MYADML2: variants seen among roughly 807,000 people sequenced by gnomAD.
MYADML2 encodes the protein myeloid-associated differentiation marker-like protein 2.
A neutral mutation model predicts 16.0 loss-of-function variants in MYADML2; 17 were observed. That is an observed-to-expected ratio of 1.06 (90% CI 0.73 to 1.60). MYADML2 has a LOEUF of 1.60. MYADML2 is among the 40% of genes most tolerant of loss of function. The pLI is 0.00. For synonymous variants in MYADML2, 210 were observed against 208.1 expected, an observed-to-expected ratio of 1.01 and a Z score of -0.08; for missense variants, 422 against 437.7, an observed-to-expected ratio of 0.96 and a Z score of 0.32.
chr17:81,945,363 C>T (rs1341968303), intron 1 of MYADML2, among the ~76,000 whole-genome samples: 43 of 152,064 alleles, frequency 2.8e-4, no homozygotes, highest in East Asian at 9.6e-4. Context: ...CACAGTGAAA[C>T]CCCATCTCTA....
At chr17:81,945,896 G>A (rs781721503) in intron 1 of MYADML2, among the ~76,000 whole-genome samples, 1 of 151,924 alleles carries the variant, frequency 6.6e-6, no homozygotes, top group Non-Finnish European at 1.5e-5. Context: ...AATAAAATGA[G>A]GAAAGTGCTT....
Position 81,942,889 on chromosome 17 carries a change from A to G in MYADML2, c.-180-516T>C, listed in dbSNP as rs2041317282. Among the ~76,000 whole-genome samples, 1 of 151,550 alleles carries G rather than the reference A, an allele frequency of 6.6e-6. No homozygotes were observed. The highest frequency in any genetic ancestry group is 2.4e-5 in the African/African-American group (1 of 41,200). ...GAGATAGGGTCTAGCTTTGTCGCTC[A>G]GGTTGGAATGCAGTGGTGAGATCAC... On this transcript the variant is annotated intron_variant, in intron 1 of 2. Coordinates refer to ENST00000409745, the MANE Select transcript of MYADML2 (RefSeq NM_001145113.3). The surrounding 1 kb of genome is among the most constrained non-coding windows in gnomAD (Gnocchi z 4.4).
chr17:81,944,198 A>C (rs2041326557), intron 1 of MYADML2, among the ~76,000 whole-genome samples: 1 of 151,982 alleles, frequency 6.6e-6, no homozygotes, highest in South Asian at 2.1e-4. Context: ...AGGTCAGGAG[A>C]AATTGAGACC....
rs2041294071 is a variant in MYADML2, at chr17:81,940,646, C to A, written c.*172G>T. ...CTGCCCTACTGTCCTGCCCTTGTCC[C>A]TCTGAGCCCAGTCTGGAAGTCGGGG... On this transcript the variant is annotated 3_prime_UTR_variant, in exon 3 of 3. Transcript: ENST00000409745. 2 of 723,034 alleles carry A rather than the reference C, an allele frequency of 2.8e-6. No individual in the cohort carries two copies. The highest frequency in any genetic ancestry group is 4.4e-6 in the Non-Finnish European group (2 of 451,078). 44.8% of individuals were successfully genotyped at this position (723,034 alleles called of 1,614,324 possible). A position where few individuals can be genotyped will look rare whatever the true frequency, so the allele number is the denominator to read the frequency against.
At chr17:81,946,529 TC>T (rs1159769028) in intron 1 of MYADML2, among the ~76,000 whole-genome samples, 1 of 151,166 alleles carries the variant, frequency 6.6e-6, no homozygotes, top group Non-Finnish European at 1.5e-5. Context: ...GCGCTGGTAG[TC>T]CCAGCTACTC....
rs140886468 is a variant in MYADML2 at position 81,940,936 on chromosome 17, C to T, written c.806G>A (p.Arg269Gln). Residue 269 changes from arginine (R) to glutamine (Q), a missense_variant, in exon 3 of 3, where the codon CGG becomes CAG. Coordinates refer to ENST00000409745, the MANE Select transcript of MYADML2 (RefSeq NM_001145113.3). ...GEPKRPPNCA[R>Q]GSCPWDSQLV... ...CTGGCTGTCCCAGGGACAGCTGCCC[C>T]GAGCACAGTTGGGGGGCCGTTTGGG... is the stretch of plus-strand genomic sequence containing the variant. The T allele has an allele frequency of 9.2e-5, 143 of 1,550,194 alleles. No homozygotes were observed. In the African/African-American group the frequency reaches 1.5e-3, roughly 17 times the overall value.
intron 1 of MYADML2, among the ~76,000 whole-genome samples, chr17:81,944,756 G>A (rs2041330910): frequency 1.3e-5 from 2 of 152,182 alleles, no homozygotes; most frequent in African/African-American, 4.8e-5. Context: ...AGGAGGGACA[G>A]GGGCTGAAGG....
chr17:81,944,862 G>A (rs2041331680), intron 1 of MYADML2, among the ~76,000 whole-genome samples: 1 of 152,206 alleles, frequency 6.6e-6, no homozygotes, highest in Admixed American at 6.5e-5. Flanking sequence ...AGGTTTCCAG[G>A]TGGCGGAATG....
intron 1 of MYADML2, among the ~76,000 whole-genome samples, chr17:81,945,333 A>T (rs1423912115): frequency 1.3e-5 from 2 of 151,966 alleles, no homozygotes; most frequent in Non-Finnish European, 2.9e-5. Context: ...AGGTCAGGAG[A>T]TCGAGACCAT....
intron 1 of MYADML2, 145 bp downstream of exon 1, chr17:81,946,914 T>C (rs2041351084): frequency 6.6e-6 from 1 of 152,076 alleles, no homozygotes; most frequent in Non-Finnish European, 1.5e-5. Context: ...GAGGCGGAGA[T>C]TGCAGTGAGC....
At position 81,941,174 on chromosome 17, in the gene MYADML2, G is replaced by A. The variant is rs760112339; in HGVS notation, c.568C>T (p.Arg190Cys). 4.5e-5 allele frequency: 70 copies of A among 1,550,090 alleles called. 1 individual carries two copies. The highest frequency in any genetic ancestry group is 2.4e-4 in the East Asian group (10 of 40,934). ...ACGCACCACTGGGTGGCCACGTAGCGCCCGTAGCGGCTGTCATGGACCAGC... is the reference window on the plus strand; with the variant it reads ...ACGCACCACTGGGTGGCCACGTAGCACCCGTAGCGGCTGTCATGGACCAGC... ...GALVHDSRYG[R>C]YVATQWCVAV... The change falls in exon 3 of 3, where the codon CGC becomes TGC. Residue 190 changes from arginine to cysteine, a missense_variant. By Grantham distance (180) the Arg-to-Cys change is radical. Coordinates refer to ENST00000409745, the MANE Select transcript of MYADML2 (RefSeq NM_001145113.3).
rs1457846774 is a variant in MYADML2, at chr17:81,940,939, G to C, written c.803C>G (p.Ala268Gly). The change falls in exon 3 of 3, where the codon GCT becomes GGT. Residue 268 changes from alanine to glycine, a missense_variant. By Grantham distance (60) the Ala-to-Gly change is moderately conservative (BLOSUM62 0). Coordinates refer to ENST00000409745, the MANE Select transcript of MYADML2 (RefSeq NM_001145113.3). The part of the protein sequence containing the change: ...YGEPKRPPNC[A>G]RGSCPWDSQL... ...GCTGTCCCAGGGACAGCTGCCCCGA[G>C]CACAGTTGGGGGGCCGTTTGGGCTC... 1 of 1,550,348 alleles carries C rather than the reference G, an allele frequency of 6.5e-7. No individual in the cohort carries two copies. Among genetic ancestry groups the C allele is most frequent in the Non-Finnish European group, 8.7e-7 (1 of 1,146,718 alleles).
rs549503120 is a variant in MYADML2 at position 81,940,236 on chromosome 17, C to T, written c.*582G>A. 6.6e-6 allele frequency: 1 copy of T among 152,406 alleles called. No homozygotes were observed. Among genetic ancestry groups the T allele is most frequent in the Non-Finnish European group, 1.5e-5 (1 of 68,182 alleles). 9.4% of individuals were successfully genotyped at this position (152,406 alleles called of 1,614,324 possible). The stretch of plus-strand genomic sequence containing the variant: ...TCCTTCTCTGTGAGCTGGCACAGCT[C>T]CCCAGGCAGGGCTCTCTTCCCAGGG... On this transcript the variant is annotated 3_prime_UTR_variant, in exon 3 of 3. Coordinates refer to ENST00000409745, the MANE Select transcript of MYADML2 (RefSeq NM_001145113.3).
At chr17:81,946,597 G>A (rs1223807849) in intron 1 of MYADML2, among the ~76,000 whole-genome samples, 26 of 151,978 alleles carry the variant, frequency 1.7e-4, no homozygotes, top group African/African-American at 4.3e-4. Flanking sequence ...GCAGTGAGCC[G>A]AGATCGCGCC....
Position 81,940,803 on chromosome 17 carries a change from G to A in MYADML2, c.*15C>T. ...GGTGGCCAGAGAGCAGAGGTGGGTG[G>A]GCTGCCACTGTGGGCTACAGGCTGG... On this transcript the variant is annotated 3_prime_UTR_variant, in exon 3 of 3. Transcript: ENST00000409745. 1.3e-6 allele frequency: 2 copies of A among 1,485,602 alleles called. No homozygotes were observed. Among genetic ancestry groups the A allele is most frequent in the South Asian group, 2.7e-5 (2 of 74,168 alleles). The allele number at this position is 1,485,602 out of a possible 1,614,324, so 92.0% of individuals were successfully genotyped here. A position where few individuals can be genotyped will look rare whatever the true frequency, so the allele number is the denominator to read the frequency against.
At chr17:81,943,182 G>A (rs2041318829) in intron 1 of MYADML2, among the ~76,000 whole-genome samples, 1 of 150,832 alleles carries the variant, frequency 6.6e-6, no homozygotes, top group Non-Finnish European at 1.5e-5. Flanking sequence ...CCATTCTCCT[G>A]CCTCAACCTC....
At position 81,941,296 on chromosome 17, in the gene MYADML2, G is replaced by C. The variant is rs200006757; in HGVS notation, c.446C>G (p.Thr149Arg). Reference sequence around the variant, plus strand: ...GCTCACCTGGCCGGGCCGGGCCCGCGTCAGGGCCACCTCCACAGCGTAGGC... The same window carrying C: ...GCTCACCTGGCCGGGCCGGGCCCGCCTCAGGGCCACCTCCACAGCGTAGGC... ...FLAYAVEVAL[T>R]RARPGQVSSY... is the part of the protein sequence containing the mutation. Residue 149 changes from threonine to arginine, a missense_variant, in exon 3 of 3, where the codon ACG (threonine) becomes AGG (arginine). Coordinates refer to ENST00000409745, the MANE Select transcript of MYADML2 (RefSeq NM_001145113.3). The C allele has an allele frequency of 6.5e-7, 1 of 1,549,812 alleles. No individual in the cohort carries two copies. The highest frequency in any genetic ancestry group is 1.4e-5 in the African/African-American group (1 of 73,034).
intron 1 of MYADML2, among the ~76,000 whole-genome samples, chr17:81,946,082 C>A (rs34234965): frequency 6.6e-6 from 1 of 151,880 alleles, no homozygotes; most frequent in African/African-American, 2.4e-5. Context: ...TGGCCCGGCG[C>A]GGTGGGTCAC....
intron 1 of MYADML2, among the ~76,000 whole-genome samples, chr17:81,945,071 G>C (rs775108661): frequency 1.4e-4 from 21 of 152,062 alleles, no homozygotes; most frequent in Non-Finnish European, 2.4e-4. Flanking sequence ...TTCCAGACCA[G>C]CCTGGCCAAC....
Sources: allele counts gnomAD v4.1 joint callset (sites outside exome capture counted in the v4.1 genomes callset), GRCh38; gene constraint gnomAD v4.1.1; non-coding constraint Gnocchi (gnomAD v3.1); transcripts MANE v1.5; gene names NCBI Gene and HGNC (gene_info 2026-07-23, HGNC 2026-07-21).